The following PIK3CA variants were observed in gnomAD, a reference collection of about 807,000 sequenced individuals.
PIK3CA encodes the protein phosphatidylinositol-4,5-bisphosphate 3-kinase catalytic subunit alpha, also known as phosphatidylinositol 4,5-bisphosphate 3-kinase catalytic subunit alpha isoform.
A neutral mutation model predicts 138.2 loss-of-function variants in PIK3CA; 27 were observed. The ratio of observed to expected loss-of-function variants is 0.20; its 90% CI spans 0.14 to 0.27. PIK3CA has a LOEUF of 0.27. PIK3CA is among the 10% of genes least tolerant of loss of function. The probability of loss-of-function intolerance (pLI) is 1.00; values close to 1 mark genes in which losing one functional copy is unlikely to be tolerated. For synonymous variants in PIK3CA, 358 were observed against 413.2 expected (o/e 0.87, Z 1.62); for missense variants, 544 against 1,277.4 (o/e 0.43, Z 8.75).
chr3:179,195,521 G>T (rs933495345), intron 1 of PIK3CA, among the ~76,000 whole-genome samples: 1 of 152,044 alleles, frequency 6.6e-6, no homozygotes, highest in Non-Finnish European at 1.5e-5. Flanking sequence ...GAGATTCATT[G>T]AGATAAATTA....
chr3:179,151,244 A>G (rs569277411), intron 1 of PIK3CA, among the ~76,000 whole-genome samples: 2 of 152,330 alleles, frequency 1.3e-5, no homozygotes, highest in South Asian at 2.1e-4. Context: ...ATCCCTAAGA[A>G]ATGGTATTCT....
At chr3:179,210,124 A>C in intron 7 of PIK3CA, 62 bp from the exon 8 acceptor site, 1 of 1,289,996 alleles carries the variant, frequency 7.8e-7, no homozygotes. Context: ...TTTGGGGAAG[A>C]AAAGTGTTTT....
At chr3:179,213,145 A>G (rs545321879) in intron 9 of PIK3CA, among the ~76,000 whole-genome samples, 1 of 152,320 alleles carries the variant, frequency 6.6e-6, no homozygotes, top group African/African-American at 2.4e-5. Flanking sequence ...GGGTTCAGGA[A>G]AGACCTCTCT....
At chr3:179,228,578 A>AT (rs1258546931) in intron 17 of PIK3CA, among the ~76,000 whole-genome samples, 4 of 152,002 alleles carry the variant, frequency 2.6e-5, no homozygotes, top group Admixed American at 2.0e-4. Flanking sequence ...TTTTCTTTTT[A>AT]TACTTTAATT....
At chr3:179,190,737 A>G (rs1724112689) in intron 1 of PIK3CA, among the ~76,000 whole-genome samples, 1 of 152,170 alleles carries the variant, frequency 6.6e-6, no homozygotes, top group South Asian at 2.1e-4. Context: ...TAAACTTGAC[A>G]GTAGACAGAT....
chr3:179,205,247 A>G (rs1467509617), intron 6 of PIK3CA, among the ~76,000 whole-genome samples: 2 of 152,018 alleles, frequency 1.3e-5, no homozygotes, highest in Admixed American at 6.6e-5. Context: ...TATACAAGCT[A>G]TATATTAATA....
rs1724915388 is a variant in PIK3CA, at chr3:179,219,424, T to C, written c.1746+147T>C. ...AAAAACACCCTTAACATTATTTCCA[T>C]AGATAAAACTAATTAGAACTGTAAA... is the stretch of plus-strand genomic sequence containing the variant. On this transcript the variant is annotated intron_variant, in intron 11 of 20. Transcript: ENST00000263967. This position sits in a 1 kb window ranked among gnomAD's most constrained non-coding sequence, Gnocchi z 4.2. The C allele has an allele frequency of 2.9e-6, 2 of 683,004 alleles. No homozygotes were observed. Among genetic ancestry groups the C allele is most frequent in the Non-Finnish European group, 5.0e-6 (2 of 403,584 alleles). 42.3% of individuals were successfully genotyped at this position (683,004 alleles called of 1,614,324 possible).
chr3:179,210,663 T>C (rs2108402057), intron 9 of PIK3CA, 98 bp downstream of exon 9: 6 of 1,178,482 alleles, frequency 5.1e-6, no homozygotes, highest in Non-Finnish European at 7.3e-6. Flanking sequence ...TTTACTGGCA[T>C]AGATACTATG....
At chr3:179,231,208 T>C (rs991037962) in intron 20 of PIK3CA, among the ~76,000 whole-genome samples, 2 of 152,178 alleles carry the variant, frequency 1.3e-5, no homozygotes, top group Non-Finnish European at 2.9e-5. Context: ...CATTGGTCAG[T>C]GGGTACTTAA....
chr3:179,154,947 A>T (rs1723097306), intron 1 of PIK3CA, among the ~76,000 whole-genome samples: 1 of 152,176 alleles, frequency 6.6e-6, no homozygotes, highest in Non-Finnish European at 1.5e-5. Flanking sequence ...TTTGAAATAA[A>T]TTAGGGATTT....
intron 1 of PIK3CA, among the ~76,000 whole-genome samples, chr3:179,162,438 T>C (rs1723307924): frequency 6.6e-6 from 1 of 152,124 alleles, no homozygotes; most frequent in Admixed American, 6.5e-5. Context: ...CTTGAACTCC[T>C]GGGCTCGAGC....
rs758572428 is a variant in PIK3CA, at chr3:179,221,160, G to A, written c.2187+3G>A. 4 of 1,610,246 alleles carry A rather than the reference G, an allele frequency of 2.5e-6. No individual in the cohort carries two copies. The highest frequency in any genetic ancestry group is 1.1e-5 in the South Asian group (1 of 90,986). Reference sequence around the variant, plus strand: ...AGAAGAAGGATGAAACACAAAAGGTGTGTGACTCTAGTTTGTGTTTGAGAC... The same window carrying A: ...AGAAGAAGGATGAAACACAAAAGGTATGTGACTCTAGTTTGTGTTTGAGAC... On this transcript the variant is annotated splice_donor_region_variant and intron_variant, in intron 14 of 20. Transcript: ENST00000263967.
chr3:179,213,825 T>C (rs186063238), intron 9 of PIK3CA, among the ~76,000 whole-genome samples: 74 of 152,368 alleles, frequency 4.9e-4, no homozygotes, highest in African/African-American at 1.5e-3. Flanking sequence ...TAGTTTACAT[T>C]GAAAATCTGT....
At chr3:179,229,553 A>G (rs922900685) in intron 18 of PIK3CA, 111 bp downstream of exon 18, 12 of 668,248 alleles carry the variant, frequency 1.8e-5, no homozygotes, top group Non-Finnish European at 1.6e-5. Flanking sequence ...TGTACTTTCT[A>G]TGGAAAAAAA....
rs201269904 is a variant in PIK3CA, at chr3:179,199,036, G to A, written c.211G>A (p.Val71Ile). The A allele has an allele frequency of 2.2e-5, 35 of 1,613,448 alleles. No homozygotes were observed. Among genetic ancestry groups the A allele is most frequent in the African/African-American group, 5.3e-5 (4 of 74,890 alleles). Residue 71 changes from valine (V) to isoleucine (I), a missense_variant, in exon 2 of 21, where the codon GTA becomes ATA. Around this residue, in one of 14 missense-constraint regions of PIK3CA, gnomAD observed 47 missense variants for 84.0 expected, o/e 0.56. Coordinates refer to ENST00000263967, the MANE Select transcript of PIK3CA (RefSeq NM_006218.4). Reference sequence around the variant, plus strand: ...TCAAGATGAATCTTCTTACATTTTCGTAAGTGTTACTCAAGAAGCAGAAAG... The same window carrying A: ...TCAAGATGAATCTTCTTACATTTTCATAAGTGTTACTCAAGAAGCAGAAAG... ...LLQDESSYIF[V>I]SVTQEAEREE... is the part of the protein sequence containing the mutation.
intron 9 of PIK3CA, among the ~76,000 whole-genome samples, chr3:179,212,661 G>A (rs1045300310): frequency 1.3e-5 from 2 of 151,570 alleles, no homozygotes; most frequent in Non-Finnish European, 2.9e-5. Context: ...GGCTGGTCTC[G>A]AACTCCTGAG....
Position 179,229,344 on chromosome 3 carries a change from T to A in PIK3CA, c.2568T>A (p.Thr856=), listed in dbSNP as rs1440145288. Residue 856 remains threonine, a synonymous_variant, in exon 18 of 21, where the codon ACT becomes ACA. Coordinates refer to ENST00000263967, the MANE Select transcript of PIK3CA (RefSeq NM_006218.4). Reference sequence around the variant, plus strand: ...TTGAGGTGGTGCGAAATTCTCACACTATTATGCAAATTCAGTGCAAAGGCG... The same window carrying A: ...TTGAGGTGGTGCGAAATTCTCACACAATTATGCAAATTCAGTGCAAAGGCG... ...GLIEVVRNSH[T]IMQIQCKGGL... is the part of the protein sequence containing the mutation. The A allele has an allele frequency of 1.2e-6, 2 of 1,613,362 alleles. No homozygotes were observed. The highest frequency in any genetic ancestry group is 1.7e-6 in the Non-Finnish European group (2 of 1,179,512).
chr3:179,228,166 T>C (rs1725125970), intron 17 of PIK3CA, among the ~76,000 whole-genome samples: 1 of 152,070 alleles, frequency 6.6e-6, no homozygotes. Flanking sequence ...AAATTCAAAA[T>C]TAGAATTTTG....
At chr3:179,157,419 TAA>T (rs1267051938) in intron 1 of PIK3CA, among the ~76,000 whole-genome samples, 1 of 152,158 alleles carries the variant, frequency 6.6e-6, no homozygotes, top group East Asian at 1.9e-4. Context: ...AAAATATTAG[TAA>T]TTTTACAGTG....
Sources: gnomAD v4.1 joint callset for allele counts (sites outside exome capture counted in the v4.1 genomes callset) on GRCh38, gnomAD v4.1.1 for gene constraint, gnomAD v4.1.1 regional missense constraint, Gnocchi (gnomAD v3.1) non-coding constraint, MANE v1.5 for transcripts, NCBI Gene and HGNC (gene_info 2026-07-23, HGNC 2026-07-21) for gene names.